COL4A3: variants seen among roughly 807,000 people sequenced by gnomAD.
The protein encoded by COL4A3 is collagen type IV alpha 3 chain.
Under a neutral mutation model 217.4 loss-of-function variants are expected in COL4A3, and 135 were observed. The observed-to-expected ratio is 0.62, with a 90% CI of 0.54 to 0.72. The LOEUF is 0.72. Ranked by LOEUF, COL4A3 falls within the 30% of genes least tolerant of loss-of-function variation. COL4A3 has a pLI of 0.00. For missense variants in COL4A3, 1,868 were observed against 2,119.9 expected (o/e 0.88, Z 2.33); for synonymous variants, 690 against 736.3 (o/e 0.94, Z 1.02).
At chr2:227,215,764 G>A (rs574105230) in intron 1 of COL4A3, among the ~76,000 whole-genome samples, 1 of 152,220 alleles carries the variant, frequency 6.6e-6, no homozygotes, top group South Asian at 2.1e-4. Flanking sequence ...GGGCCTATGT[G>A]CTTGTTTTAT....
In COL4A3 at chr2:227,282,258, G is replaced by C. The variant is rs2072017330; in HGVS notation, c.2489-107G>C. The C allele has an allele frequency of 2.1e-6, 1 of 466,088 alleles. No homozygotes were observed. The highest frequency in any genetic ancestry group is 5.3e-5 in the Admixed American group (1 of 18,698). The allele number at this position is 466,088 out of a possible 1,614,324, so 28.9% of individuals were successfully genotyped here. ...CTGCAATCCAGCCTAGAAGACAGAG[G>C]GAGATTCCATCTTAAAAATATATAT... On this transcript the variant is annotated intron_variant, in intron 31 of 51. Transcript: ENST00000396578. The surrounding 1 kb of genome is among the most constrained non-coding windows in gnomAD (Gnocchi z 4.4).
rs772992743 is a variant in COL4A3 at position 227,164,786 on chromosome 2, C to T, written c.60C>T (p.Leu20=). Reference sequence around the variant, plus strand: ...TCCTGCTGCCGCTCCTGCTGGTGCTCCTGGCGGCGGCGCCCGCAGCCAGCA... The same window carrying T: ...TCCTGCTGCCGCTCCTGCTGGTGCTTCTGGCGGCGGCGCCCGCAGCCAGCA... ...QVLLLPLLLV[L]LAAAPAASKG... Residue 20 remains leucine (L), a synonymous_variant, in exon 1 of 52, where the codon CTC becomes CTT. Coordinates refer to ENST00000396578, the MANE Select transcript of COL4A3 (RefSeq NM_000091.5). This position sits in a 1 kb window ranked among gnomAD's most constrained non-coding sequence, Gnocchi z 4.8. 37 of 1,520,408 alleles carry T rather than the reference C, an allele frequency of 2.4e-5. No homozygotes were observed. In the Middle Eastern group the frequency reaches 9.2e-4, roughly 38 times the overall value. 94.2% of individuals were successfully genotyped at this position (1,520,408 alleles called of 1,614,324 possible).
chr2:227,208,384 A>C (rs1053385229), intron 1 of COL4A3, among the ~76,000 whole-genome samples: 28 of 152,172 alleles, frequency 1.8e-4, no homozygotes, highest in African/African-American at 5.8e-4. Context: ...GTAAAACCTA[A>C]GATCAGTGCT....
At chr2:227,303,584 AG>A (rs1457770325) in intron 44 of COL4A3, among the ~76,000 whole-genome samples, 2 of 152,204 alleles carry the variant, frequency 1.3e-5, no homozygotes, top group Non-Finnish European at 2.9e-5. Context: ...GTGGACTCTT[AG>A]GGACCCTTCC....
chr2:227,304,200 C>T (rs561292990), intron 46 of COL4A3, 56 bp downstream of exon 46: 1 of 1,606,070 alleles, frequency 6.2e-7, no homozygotes, highest in African/African-American at 1.3e-5. Context: ...ACCAAAATAC[C>T]TGTAAACTGC....
chr2:227,209,652 C>T (rs1347957837), intron 1 of COL4A3, among the ~76,000 whole-genome samples: 1 of 152,054 alleles, frequency 6.6e-6, no homozygotes, highest in East Asian at 1.9e-4. Flanking sequence ...CCAGCCTGGC[C>T]AATATGGTGA....
In COL4A3 at chr2:227,309,205, T is replaced by C; in HGVS notation, c.4642T>C (p.Cys1548Arg). ...CATAGTCTTTGTTTCATGTTACAGATGCACTGTTTGTGAAGGTCCTGCGAT... is the reference window on the plus strand; with the variant it reads ...CATAGTCTTTGTTTCATGTTACAGACGCACTGTTTGTGAAGGTCCTGCGAT... ...GRALEPYISR[C>R]TVCEGPAIAI... The change falls in exon 50 of 52, where the codon TGC (cysteine) becomes CGC (arginine). Residue 1548 changes from cysteine (C) to arginine (R), a missense_variant and splice_region_variant. By Grantham distance (180) the Cys-to-Arg change is radical. This residue lies in a region of COL4A3 where 1,503 missense variants were observed against 1,786.1 expected (regional missense o/e 0.84). Coordinates refer to ENST00000396578, the MANE Select transcript of COL4A3 (RefSeq NM_000091.5). 6.2e-7 allele frequency: 1 copy of C among 1,614,160 alleles called. No individual in the cohort carries two copies. Among genetic ancestry groups the C allele is most frequent in the Non-Finnish European group, 8.5e-7 (1 of 1,179,966 alleles).
chr2:227,295,573 GTA>G (rs796248549), intron 41 of COL4A3, among the ~76,000 whole-genome samples: 8 of 152,320 alleles, frequency 5.3e-5, no homozygotes, highest in African/African-American at 1.9e-4. Context: ...GGATTCTTCT[GTA>G]TATGTCTTGC....
At chr2:227,232,359 C>T (rs1398256583) in intron 1 of COL4A3, among the ~76,000 whole-genome samples, 2 of 152,208 alleles carry the variant, frequency 1.3e-5, no homozygotes, top group African/African-American at 2.4e-5. Flanking sequence ...CTTTGATACA[C>T]TGATTTCCTT....
chr2:227,296,303 A>G (rs2073026419), intron 41 of COL4A3: 2 of 157,324 alleles, frequency 1.3e-5, no homozygotes, highest in African/African-American at 2.4e-5. Flanking sequence ...AATTTTGGTC[A>G]AAAGGAGAGT....
chr2:227,240,596 G>A (rs1366878708), intron 3 of COL4A3, among the ~76,000 whole-genome samples: 1 of 152,136 alleles, frequency 6.6e-6, no homozygotes, highest in Non-Finnish European at 1.5e-5. Flanking sequence ...CTTGTTCCAC[G>A]AGGTGCCTCC....
intron 1 of COL4A3, among the ~76,000 whole-genome samples, chr2:227,234,137 A>G (rs7603706): frequency 0.32 from 49,094 of 151,902 alleles, 8,352 homozygotes; most frequent in Non-Finnish European, 0.36. Flanking sequence ...CGTGCAGTCT[A>G]CTTTTGAATG....
chr2:227,276,538 T>C (rs2071577613), intron 27 of COL4A3, 61 bp downstream of exon 27: 5 of 1,253,352 alleles, frequency 4.0e-6, no homozygotes, highest in African/African-American at 2.9e-5. Flanking sequence ...CCTGACTCTC[T>C]TGGAAAAATA....
intron 1 of COL4A3, among the ~76,000 whole-genome samples, chr2:227,214,335 A>G (rs1024260733): frequency 6.6e-6 from 1 of 152,216 alleles, no homozygotes; most frequent in Admixed American, 6.5e-5. Flanking sequence ...AAACCCAAGT[A>G]TATTATAACT....
rs1338717247 is a variant in COL4A3 at position 227,314,316 on chromosome 2, A to G, written c.*2446A>G. On this transcript the variant is annotated 3_prime_UTR_variant, in exon 52 of 52. Transcript: ENST00000396578. ...GAACAGCTGTTCAGTTGCACTTCTA[A>G]GACTTTACTTAGCAGTAAATTATAG... The G allele has an allele frequency of 6.6e-6, 1 of 152,670 alleles. No individual in the cohort carries two copies. Among genetic ancestry groups the G allele is most frequent in the Non-Finnish European group, 1.5e-5 (1 of 68,056 alleles). The allele number at this position is 152,670 out of a possible 1,614,324, so 9.5% of individuals were successfully genotyped here.
intron 21 of COL4A3, chr2:227,265,950 GA>G: frequency 6.2e-6 from 1 of 160,898 alleles, no homozygotes. Context: ...GCAAAATGGG[GA>G]AAAGCCCATT....
chr2:227,296,110 T>C (rs1397428249), intron 41 of COL4A3, among the ~76,000 whole-genome samples: 1 of 152,236 alleles, frequency 6.6e-6, no homozygotes, highest in Non-Finnish European at 1.5e-5. Flanking sequence ...AGAAACTCAG[T>C]TGGGCAGGAA....
chr2:227,257,885 A>G (rs2070289579), intron 18 of COL4A3, among the ~76,000 whole-genome samples: 1 of 152,196 alleles, frequency 6.6e-6, no homozygotes, highest in Non-Finnish European at 1.5e-5. Flanking sequence ...AGAGAAGAAA[A>G]GCTTTGTCTA....
chr2:227,273,528 T>C (rs1016495403), intron 26 of COL4A3, among the ~76,000 whole-genome samples: 1 of 152,156 alleles, frequency 6.6e-6, no homozygotes, highest in Non-Finnish European at 1.5e-5. Flanking sequence ...CCTGGTCTCC[T>C]GAGTAGCTGG....
Sources: gnomAD v4.1 joint callset for allele counts (sites outside exome capture counted in the v4.1 genomes callset) on GRCh38, gnomAD v4.1.1 for gene constraint, gnomAD v4.1.1 regional missense constraint, Gnocchi (gnomAD v3.1) non-coding constraint, MANE v1.5 for transcripts, NCBI Gene and HGNC (gene_info 2026-07-23, HGNC 2026-07-21) for gene names.